The following SLCO3A1 variants were observed in gnomAD, a reference collection of about 807,000 sequenced individuals.
The protein encoded by SLCO3A1 is PGE1 transporter.
Under a neutral mutation model 63.1 loss-of-function variants are expected in SLCO3A1, and 27 were observed. That is an observed-to-expected ratio of 0.43 (90% CI 0.32 to 0.59). SLCO3A1 has a LOEUF of 0.59. Among genes scored for constraint, SLCO3A1 ranks in the 20% least tolerant of loss-of-function variants. The probability of loss-of-function intolerance (pLI) is 0.09; values close to 1 mark genes in which losing one functional copy is unlikely to be tolerated. For synonymous variants in SLCO3A1, 473 were observed against 409.9 expected, an observed-to-expected ratio of 1.15 and a Z score of -1.86; for missense variants, 773 against 945.8, an observed-to-expected ratio of 0.82 and a Z score of 2.40.
chr15:92,019,995 A>T (rs1006651064), intron 2 of SLCO3A1, among the ~76,000 whole-genome samples: 1 of 152,134 alleles, frequency 6.6e-6, no homozygotes, highest in African/African-American at 2.4e-5. Flanking sequence ...AGCGACATGG[A>T]TACAGAGCCC....
At chr15:92,154,876 C>CTAGT (rs371552982) in intron 9 of SLCO3A1, among the ~76,000 whole-genome samples, 85 of 152,210 alleles carry the variant, frequency 5.6e-4, no homozygotes, top group African/African-American at 2.0e-3. Context: ...ACTGTAAAAA[C>CTAGT]TAGTTGTAAT....
At chr15:92,032,576 A>G (rs2151480699) in intron 2 of SLCO3A1, among the ~76,000 whole-genome samples, 1 of 152,284 alleles carries the variant, frequency 6.6e-6, no homozygotes, top group East Asian at 1.9e-4. Flanking sequence ...TTTACTGTGC[A>G]TGTAATGGAC....
At chr15:92,146,851 C>G in intron 7 of SLCO3A1, 133 bp from the exon 8 acceptor site, 1 of 743,744 alleles carries the variant, frequency 1.3e-6, no homozygotes, top group Non-Finnish European at 2.1e-6. Flanking sequence ...CTAACTAACT[C>G]GTTTATTCAG....
chr15:92,038,565 A>C (rs2046755717), intron 2 of SLCO3A1, among the ~76,000 whole-genome samples: 1 of 152,164 alleles, frequency 6.6e-6, no homozygotes, highest in Non-Finnish European at 1.5e-5. Flanking sequence ...GGACCTCTTC[A>C]AGGGGAGCTA....
At chr15:92,152,681 T>C (rs1015210610) in intron 9 of SLCO3A1, among the ~76,000 whole-genome samples, 1 of 152,210 alleles carries the variant, frequency 6.6e-6, no homozygotes, top group African/African-American at 2.4e-5. Context: ...GGATGTGTAA[T>C]ATTAACTGGC....
intron 7 of SLCO3A1, among the ~76,000 whole-genome samples, chr15:92,137,027 GTTAGTTACA>G (rs2048067373): frequency 6.8e-6 from 1 of 147,058 alleles, no homozygotes; most frequent in Non-Finnish European, 1.5e-5. Context: ...CATTATGCAG[GTTAGTTACA>G]TATGTATACA....
In SLCO3A1 at chr15:92,162,996, C is replaced by T. The variant is rs140514515; in HGVS notation, c.1994C>T (p.Thr665Ile). The part of the protein sequence containing the change: ...YIKNHEGGLS[T>I]SEFFASTLTL... Reference sequence around the variant, plus strand: ...AAAAACCACGAGGGCGGGCTGAGCACCAGTGAGTTCTTTGCCTCTACTCTG... The same window carrying T: ...AAAAACCACGAGGGCGGGCTGAGCATCAGTGAGTTCTTTGCCTCTACTCTG... Residue 665 changes from threonine (T) to isoleucine (I), a missense_variant, in exon 10 of 10, where the codon ACC becomes ATC. This residue lies in a region of SLCO3A1 where 139 missense variants were observed against 131.4 expected (regional missense o/e 1.06). Transcript: ENST00000318445. 3.1e-6 allele frequency: 5 copies of T among 1,613,120 alleles called. No homozygotes were observed. The highest frequency in any genetic ancestry group is 4.2e-6 in the Non-Finnish European group (5 of 1,179,456).
intron 2 of SLCO3A1, among the ~76,000 whole-genome samples, chr15:91,940,230 T>C (rs1399052617): frequency 6.6e-6 from 1 of 152,136 alleles, no homozygotes; most frequent in Admixed American, 6.5e-5. Flanking sequence ...CAGGTCAGTG[T>C]CCTGTCTGTT....
chr15:92,119,949 C>A (rs908803683), intron 4 of SLCO3A1, among the ~76,000 whole-genome samples: 3 of 151,994 alleles, frequency 2.0e-5, no homozygotes, highest in Non-Finnish European at 4.4e-5. Flanking sequence ...TTTTGGAGAG[C>A]ACAAGAATTT....
intron 2 of SLCO3A1, among the ~76,000 whole-genome samples, chr15:91,965,310 C>T (rs535573778): frequency 1.3e-5 from 2 of 152,234 alleles, no homozygotes; most frequent in South Asian, 4.1e-4. Flanking sequence ...AACATTTATC[C>T]CCCTGGATGT....
chr15:91,981,026 T>C (rs1039522210), intron 2 of SLCO3A1, among the ~76,000 whole-genome samples: 2 of 152,140 alleles, frequency 1.3e-5, no homozygotes, highest in African/African-American at 2.4e-5. Context: ...GAGCCAAAAA[T>C]AGATGGTCCT....
chr15:92,076,908 T>TG (rs2047284470), intron 2 of SLCO3A1, among the ~76,000 whole-genome samples: 1 of 152,230 alleles, frequency 6.6e-6, no homozygotes, highest in African/African-American at 2.4e-5. Flanking sequence ...ATTCTCATGC[T>TG]GCTAATAAAG....
At chr15:91,920,236 G>A (rs1042882887) in intron 2 of SLCO3A1, among the ~76,000 whole-genome samples, 4 of 152,170 alleles carry the variant, frequency 2.6e-5, no homozygotes, top group Non-Finnish European at 1.5e-5. Context: ...CTTATTTCAG[G>A]TATGTCTGGG....
chr15:91,878,162 T>A (rs1225526089), intron 1 of SLCO3A1, among the ~76,000 whole-genome samples: 1 of 144,132 alleles, frequency 6.9e-6, no homozygotes, highest in African/African-American at 2.6e-5. Context: ...CTCAACTCAC[T>A]GCAACCTCTG....
intron 1 of SLCO3A1, among the ~76,000 whole-genome samples, chr15:91,914,864 T>C (rs555620494): frequency 3.6e-4 from 55 of 152,264 alleles, no homozygotes; most frequent in Non-Finnish European, 6.6e-4. Flanking sequence ...GAGCCACTGC[T>C]CCCGGCCCCA....
chr15:92,074,725 A>T (rs1357923642), intron 2 of SLCO3A1, among the ~76,000 whole-genome samples: 2 of 152,024 alleles, frequency 1.3e-5, no homozygotes, highest in Non-Finnish European at 2.9e-5. Flanking sequence ...CAGAGAAATT[A>T]AGCAACTCAT....
At chr15:92,003,611 T>C (rs932393109) in intron 2 of SLCO3A1, among the ~76,000 whole-genome samples, 2 of 152,142 alleles carry the variant, frequency 1.3e-5, no homozygotes, top group African/African-American at 4.8e-5. Context: ...CCAGACTTCA[T>C]GGGAAAGGTC....
chr15:91,921,500 T>C (rs542788729), intron 2 of SLCO3A1, among the ~76,000 whole-genome samples: 1 of 152,168 alleles, frequency 6.6e-6, no homozygotes, highest in African/African-American at 2.4e-5. Context: ...GGTAAGGAGC[T>C]GTATTGTAAT....
chr15:92,127,628 G>T (rs1824672101), intron 6 of SLCO3A1, among the ~76,000 whole-genome samples: 1 of 152,148 alleles, frequency 6.6e-6, no homozygotes, highest in Non-Finnish European at 1.5e-5. Flanking sequence ...GTAAAGAAGA[G>T]ACATTTCCTC....
Sources: gnomAD v4.1 joint callset for allele counts (sites outside exome capture counted in the v4.1 genomes callset) on GRCh38, gnomAD v4.1.1 for gene constraint, gnomAD v4.1.1 regional missense constraint, MANE v1.5 for transcripts, NCBI Gene and HGNC (gene_info 2026-07-23, HGNC 2026-07-21) for gene names.